MRTFB: variants seen among roughly 807,000 people sequenced by gnomAD.
MRTFB encodes the protein myocardin-related transcription factor B.
MRTFB carries 29 observed loss-of-function variants against 104.2 expected under a neutral mutation model. The observed-to-expected ratio is 0.28, with a 90% CI of 0.21 to 0.38. The LOEUF (loss-of-function observed/expected upper bound fraction) is 0.38, where lower values mean the gene tolerates loss of function less well. Ranked by LOEUF, MRTFB falls within the 10% of genes least tolerant of loss-of-function variation. MRTFB has a pLI of 1.00. For synonymous variants in MRTFB, 535 were observed against 519.5 expected (o/e 1.03, Z -0.41); for missense variants, 1,270 against 1,341.6 (o/e 0.95, Z 0.83).
intron 3 of MRTFB, among the ~76,000 whole-genome samples, chr16:14,204,550 T>TAG (rs1297893431): frequency 2.0e-5 from 3 of 152,318 alleles, no homozygotes; most frequent in Non-Finnish European, 4.4e-5. Flanking sequence ...TGCATAAAAG[T>TAG]AGAGCAAATT....
chr16:14,071,860 G>A (rs2033721784), intron 1 of MRTFB, among the ~76,000 whole-genome samples: 1 of 152,172 alleles, frequency 6.6e-6, no homozygotes, highest in South Asian at 2.1e-4. Context: ...TCCCGACCAG[G>A]CTTCAGAGGG....
chr16:14,169,093 T>C (rs921583446), intron 3 of MRTFB, among the ~76,000 whole-genome samples: 1 of 152,206 alleles, frequency 6.6e-6, no homozygotes, highest in Admixed American at 6.5e-5. Flanking sequence ...TGAGCTCTCA[T>C]GTATACCCCA....
intron 2 of MRTFB, among the ~76,000 whole-genome samples, chr16:14,103,455 G>A (rs146418814): frequency 1.4e-3 from 212 of 152,304 alleles, no homozygotes; most frequent in Admixed American, 2.4e-3. Context: ...TGTCTGAGCT[G>A]TAAGAATGAG....
chr16:14,260,317 A>T (rs1206436101), intron 16 of MRTFB, among the ~76,000 whole-genome samples: 1 of 151,862 alleles, frequency 6.6e-6, no homozygotes, highest in African/African-American at 2.4e-5. Context: ...CACAGAATGC[A>T]CATGGCTAAA....
At chr16:14,136,569 T>C (rs983341959) in intron 2 of MRTFB, among the ~76,000 whole-genome samples, 2 of 152,122 alleles carry the variant, frequency 1.3e-5, no homozygotes, top group African/African-American at 4.8e-5. Flanking sequence ...CAAATTATTA[T>C]CATATTGTGA....
intron 2 of MRTFB, among the ~76,000 whole-genome samples, chr16:14,118,927 T>A (rs886908782): frequency 2.0e-5 from 3 of 146,568 alleles, no homozygotes; most frequent in African/African-American, 8.0e-5. Context: ...ATAGCAGTAA[T>A]TCTTTCAGTT....
At chr16:14,039,686 C>G in the MRTFB span, among the ~76,000 whole-genome samples, 15 of 150,342 alleles carry the variant, frequency 1.0e-4, no homozygotes, top group African/African-American at 3.7e-4. Context: ...ATTTCATGCA[C>G]TTTTAATTTA....
intron 3 of MRTFB, 52 bp downstream of exon 3, chr16:14,140,812 G>C: frequency 6.2e-7 from 1 of 1,607,276 alleles, no homozygotes; most frequent in African/African-American, 1.3e-5. Context: ...TCCCCTCTTT[G>C]GGAGCCCAGT....
the MRTFB span, among the ~76,000 whole-genome samples, chr16:14,023,777 G>C: frequency 6.6e-6 from 1 of 152,088 alleles, no homozygotes; most frequent in Non-Finnish European, 1.5e-5. Context: ...AGGGCTGGGC[G>C]TGGTTGCTCA....
rs1329731194 is a variant in MRTFB at position 14,213,574 on chromosome 16, G to T, written c.306G>T (p.Arg102=). ...RTENFLKHKI[R]SRPDRSELVR... is the part of the protein sequence containing the mutation. The stretch of plus-strand genomic sequence containing the variant: ...AAAACTTTTTGAAACACAAGATTCG[G>T]AGTCGACCAGATCGTTCTGAACTTG... Residue 102 remains arginine, a synonymous_variant, in exon 6 of 17, where the codon CGG becomes CGT. Transcript: ENST00000571589. The T allele has an allele frequency of 1.9e-6, 3 of 1,601,612 alleles. No individual in the cohort carries two copies.
At chr16:14,014,568 A>G in the MRTFB span, among the ~76,000 whole-genome samples, 1 of 151,934 alleles carries the variant, frequency 6.6e-6, no homozygotes, top group Non-Finnish European at 1.5e-5. Flanking sequence ...AAAAGAAAAA[A>G]AAAAGCCAGG....
the MRTFB span, among the ~76,000 whole-genome samples, chr16:14,042,372 C>T: frequency 6.6e-6 from 1 of 152,196 alleles, no homozygotes; most frequent in South Asian, 2.1e-4. Flanking sequence ...GATCCGCCCA[C>T]CTGGGCCTCC....
At chr16:14,248,765 T>C in intron 12 of MRTFB, 161 bp from the exon 13 acceptor site, 1 of 668,550 alleles carries the variant, frequency 1.5e-6, no homozygotes, top group South Asian at 2.1e-5. Flanking sequence ...TTTAGAATCA[T>C]TAAAGTTCAG....
At position 14,247,433 on chromosome 16, in the gene MRTFB, C is replaced by T. The variant is rs781495196; in HGVS notation, c.2173C>T (p.Leu725=). 1.1e-5 allele frequency: 17 copies of T among 1,607,606 alleles called. No homozygotes were observed. In the South Asian group the frequency reaches 1.8e-4, roughly 17 times the overall value. Residue 725 remains leucine, a synonymous_variant, in exon 12 of 17, where the codon CTG becomes TTG. Transcript: ENST00000571589. ...QALLTTQTAQ[L]LLPVSIQGSS... is the part of the protein sequence containing the mutation. ...TTTACTGACCACGCAGACTGCTCAG[C>T]TGCTGCTCCCAGTGTCCATCCAGGG...
At chr16:14,020,756 T>C in the MRTFB span, among the ~76,000 whole-genome samples, 1 of 152,348 alleles carries the variant, frequency 6.6e-6, no homozygotes, top group East Asian at 1.9e-4. Flanking sequence ...CCTTAACCCT[T>C]GTATGCTACT....
chr16:14,003,879 G>A, the MRTFB span, among the ~76,000 whole-genome samples: 2 of 152,172 alleles, frequency 1.3e-5, no homozygotes. Context: ...CCTTGCACTA[G>A]CTCCAGCCAA....
chr16:14,257,470 T>A (rs2043546818), intron 15 of MRTFB, among the ~76,000 whole-genome samples: 1 of 152,192 alleles, frequency 6.6e-6, no homozygotes, highest in South Asian at 2.1e-4. Context: ...ATAATTATGC[T>A]GGGTGAAAGA....
At position 14,245,677 on chromosome 16, in the gene MRTFB, G is replaced by C. The variant is rs767188206; in HGVS notation, c.1212+17G>C. The C allele has an allele frequency of 6.2e-7, 1 of 1,603,642 alleles. No individual in the cohort carries two copies. On this transcript the variant is annotated intron_variant, in intron 11 of 16. Coordinates refer to ENST00000571589, the MANE Select transcript of MRTFB (RefSeq NM_001308142.2). Reference sequence around the variant, plus strand: ...GACTTAAAGGTGACAATTGCAACTGGAGCTTATTCACCCCTAAGTACCACA... The same window carrying C: ...GACTTAAAGGTGACAATTGCAACTGCAGCTTATTCACCCCTAAGTACCACA...
At chr16:14,126,206 T>TA (rs982640799) in intron 2 of MRTFB, among the ~76,000 whole-genome samples, 4 of 152,122 alleles carry the variant, frequency 2.6e-5, no homozygotes, top group African/African-American at 9.7e-5. Context: ...TTTTCCTTTT[T>TA]AAAAAAACCT....
Sources: gnomAD v4.1 joint callset for allele counts (sites outside exome capture counted in the v4.1 genomes callset) on GRCh38, gnomAD v4.1.1 for gene constraint, MANE v1.5 for transcripts, NCBI Gene and HGNC (gene_info 2026-07-23, HGNC 2026-07-21) for gene names.